The following GEM variants were observed in gnomAD, a reference collection of about 807,000 sequenced individuals.
GEM encodes the protein GTP-binding protein GEM.
A neutral mutation model predicts 33.0 loss-of-function variants in GEM; 31 were observed. The observed-to-expected ratio is 0.94, with a 90% CI of 0.71 to 1.27. GEM has a LOEUF of 1.27. GEM is among the 50% of genes most tolerant of loss of function. GEM has a pLI of 0.00. For synonymous variants in GEM, 141 were observed against 143.7 expected (o/e 0.98, Z 0.13); for missense variants, 354 against 390.5 (o/e 0.91, Z 0.79).
chr8:94,250,399 G>C lies in GEM; in HGVS notation c.802C>G (p.Arg268Gly). The change falls in exon 5 of 5, where the codon CGC becomes GGC. Residue 268 changes from arginine (R) to glycine (G), a missense_variant. Arg to Gly is a moderately radical substitution (Grantham distance 125, BLOSUM62 -2). Transcript: ENST00000297596. ...TTGGCCACGATCTTGCCCCAGAAGC[G>C]CCTGGCTTTCCTGGGCATGCTCTCC... ...RKESMPRKAR[R>G]FWGKIVAKNN... 1 of 1,614,012 alleles carries C rather than the reference G, an allele frequency of 6.2e-7. No homozygotes were observed. Among genetic ancestry groups the C allele is most frequent in the Non-Finnish European group, 8.5e-7 (1 of 1,179,878 alleles).
chr8:94,256,156 A>G (rs960005351), intron 2 of GEM, among the ~76,000 whole-genome samples: 2 of 151,398 alleles, frequency 1.3e-5, no homozygotes, highest in Non-Finnish European at 2.9e-5. Flanking sequence ...TTCAGCAAGA[A>G]TCCCCCTAAC....
rs772351189 is a variant in GEM at position 94,249,328 on chromosome 8, T to C, written c.*982A>G. 1.3e-5 allele frequency: 2 copies of C among 152,094 alleles called. No homozygotes were observed. The highest frequency in any genetic ancestry group is 2.9e-5 in the Non-Finnish European group (2 of 68,010). 9.4% of individuals were successfully genotyped at this position (152,094 alleles called of 1,614,324 possible). A position where few individuals can be genotyped will look rare whatever the true frequency, so the allele number is the denominator to read the frequency against. On this transcript the variant is annotated 3_prime_UTR_variant, in exon 5 of 5. Transcript: ENST00000297596. The stretch of plus-strand genomic sequence containing the variant: ...TGCATATTTTGAAAAAGATAGAAAA[T>C]GGTAATAAAATGGATATTTTTCTTA...
At chr8:94,255,698 T>C (rs1808876636) in intron 2 of GEM, among the ~76,000 whole-genome samples, 1 of 152,170 alleles carries the variant, frequency 6.6e-6, no homozygotes, top group Non-Finnish European at 1.5e-5. Context: ...GAAATCTGCT[T>C]CCAGTAAAGG....
At position 94,250,194 on chromosome 8, in the gene GEM, C is replaced by T. The variant is rs1253088501; in HGVS notation, c.*116G>A. 1 of 825,406 alleles carries T rather than the reference C, an allele frequency of 1.2e-6. No homozygotes were observed. The highest frequency in any genetic ancestry group is 1.9e-6 in the Non-Finnish European group (1 of 519,796). The allele number at this position is 825,406 out of a possible 1,614,324, so 51.1% of individuals were successfully genotyped here. ...TGCCCACAAGGCTAATACGCTAGCT[C>T]CCTGCTACAATGGGGGAAACCACAT... On this transcript the variant is annotated 3_prime_UTR_variant, in exon 5 of 5. Coordinates refer to ENST00000297596, the MANE Select transcript of GEM (RefSeq NM_005261.4).
chr8:94,253,214 T>C (rs1808816155), intron 2 of GEM, 102 bp from the exon 3 acceptor site: 2 of 698,718 alleles, frequency 2.9e-6, no homozygotes, highest in Non-Finnish European at 5.2e-6. Context: ...ACTTACTAAA[T>C]ATGCAATTAA....
intron 2 of GEM, among the ~76,000 whole-genome samples, chr8:94,257,517 T>C (rs1388416892): frequency 1.3e-5 from 2 of 152,134 alleles, no homozygotes; most frequent in Non-Finnish European, 2.9e-5. Context: ...TCAGAGGTAA[T>C]CTTTTCGCCT....
chr8:94,259,091 A>G (rs909891755), intron 2 of GEM, among the ~76,000 whole-genome samples: 5 of 152,182 alleles, frequency 3.3e-5, no homozygotes, highest in Admixed American at 2.0e-4. Flanking sequence ...TCCAGGAGTG[A>G]GGAGAGAAAT....
chr8:94,261,152 G>A (rs1016424954), intron 1 of GEM, among the ~76,000 whole-genome samples: 1 of 152,032 alleles, frequency 6.6e-6, no homozygotes, highest in Admixed American at 6.6e-5. Flanking sequence ...TTGGGGGTAG[G>A]GGGGAAATTT....
chr8:94,260,251 C>A lies in GEM; in HGVS notation c.253G>T (p.Gly85Trp), dbSNP rs139494082. ...TTGGCCAGAGTGGACTTGCCCACCCCCTGCTCCCCTATGAGCACCACTCGG... is the reference window on the plus strand; with the variant it reads ...TTGGCCAGAGTGGACTTGCCCACCCACTGCTCCCCTATGAGCACCACTCGG... ...YYRVVLIGEQ[G>W]VGKSTLANIF... The change falls in exon 2 of 5, where the codon GGG becomes TGG. Residue 85 changes from glycine (G) to tryptophan (W), a missense_variant. Coordinates refer to ENST00000297596, the MANE Select transcript of GEM (RefSeq NM_005261.4). 1 of 1,613,690 alleles carries A rather than the reference C, an allele frequency of 6.2e-7. No individual in the cohort carries two copies. The highest frequency in any genetic ancestry group is 2.2e-5 in the East Asian group (1 of 44,868).
chr8:94,253,186 A>T (rs1022404836), intron 2 of GEM, 74 bp from the exon 3 acceptor site: 5 of 804,450 alleles, frequency 6.2e-6, no homozygotes, highest in Non-Finnish European at 1.1e-5. Flanking sequence ...TCAGGTAGAA[A>T]ATTGTGCTAG....
rs1219065243 is a variant in GEM at position 94,249,424 on chromosome 8, G to A, written c.*886C>T. 1 of 152,126 alleles carries A rather than the reference G, an allele frequency of 6.6e-6. No homozygotes were observed. The highest frequency in any genetic ancestry group is 2.4e-5 in the African/African-American group (1 of 41,444). The allele number at this position is 152,126 out of a possible 1,614,324, so 9.4% of individuals were successfully genotyped here. A position where few individuals can be genotyped will look rare whatever the true frequency, so the allele number is the denominator to read the frequency against. Reference sequence around the variant, plus strand: ...TTATTTTGCAAAATAATAATAAATAGAGCAGAGCTGTGACATACAAGGGTC... The same window carrying A: ...TTATTTTGCAAAATAATAATAAATAAAGCAGAGCTGTGACATACAAGGGTC... On this transcript the variant is annotated 3_prime_UTR_variant, in exon 5 of 5. Transcript: ENST00000297596.
intron 2 of GEM, 36 bp from the exon 3 acceptor site, chr8:94,253,148 G>T (rs200944751): frequency 3.6e-6 from 4 of 1,115,332 alleles, no homozygotes; most frequent in African/African-American, 3.1e-5. Flanking sequence ...GGAGTCAGGC[G>T]AATATGCAAC....
At position 94,260,428 on chromosome 8, in the gene GEM, C is replaced by G; in HGVS notation, c.76G>C (p.Ala26Pro). The change falls in exon 2 of 5, where the codon GCT becomes CCT. Residue 26 changes from alanine (A) to proline (P), a missense_variant. Coordinates refer to ENST00000297596, the MANE Select transcript of GEM (RefSeq NM_005261.4). The part of the protein sequence containing the change: ...QPQQQRWSIP[A>P]DGRHLMVQKE... ...TGGACCATCAGATGCCTGCCATCAG[C>G]TGGGATGCTCCAGCGCTGCTGCTGT... 6.2e-7 allele frequency: 1 copy of G among 1,613,900 alleles called. No homozygotes were observed. Among genetic ancestry groups the G allele is most frequent in the South Asian group, 1.1e-5 (1 of 91,070 alleles).
intron 2 of GEM, among the ~76,000 whole-genome samples, chr8:94,256,520 C>G (rs1032721255): frequency 1.3e-5 from 2 of 152,224 alleles, no homozygotes; most frequent in Non-Finnish European, 2.9e-5. Flanking sequence ...TGTTCTCTCA[C>G]TGCCAGAACT....
At chr8:94,257,239 G>GGTGA (rs1808909457) in intron 2 of GEM, among the ~76,000 whole-genome samples, 1 of 151,884 alleles carries the variant, frequency 6.6e-6, no homozygotes, top group Admixed American at 6.6e-5. Flanking sequence ...GGAGTGCAAT[G>GGTGA]GTGAGATCTC....
At chr8:94,252,279 C>T (rs866009803) in intron 3 of GEM, 56 bp from the exon 4 acceptor site, 1 of 1,202,550 alleles carries the variant, frequency 8.3e-7, no homozygotes, top group Non-Finnish European at 1.2e-6. Context: ...AATAAAGCAT[C>T]AGTTTGCAAA....
intron 4 of GEM, 120 bp from the exon 5 acceptor site, chr8:94,250,707 T>C (rs1245903223): frequency 2.7e-6 from 2 of 752,994 alleles, no homozygotes; most frequent in Non-Finnish European, 4.1e-6. Flanking sequence ...GGATAGAGGA[T>C]GCTGCTGCGG....
Position 94,260,157 on chromosome 8 carries a change from G to A in GEM, c.331+16C>T. 4 of 1,542,032 alleles carry A rather than the reference G, an allele frequency of 2.6e-6. No individual in the cohort carries two copies. The highest frequency in any genetic ancestry group is 3.6e-6 in the Non-Finnish European group (4 of 1,120,104). The stretch of plus-strand genomic sequence containing the variant: ...ACCCCTGGTGGAAAGAAGCCCACTG[G>A]GGCTGGGACACCTACCTCCCAGCAC... On this transcript the variant is annotated intron_variant, in intron 2 of 4. Coordinates refer to ENST00000297596, the MANE Select transcript of GEM (RefSeq NM_005261.4).
intron 2 of GEM, among the ~76,000 whole-genome samples, chr8:94,257,689 C>T (rs772419932): frequency 1.3e-5 from 2 of 152,174 alleles, no homozygotes; most frequent in African/African-American, 2.4e-5. Flanking sequence ...CCTCACCAAG[C>T]TCTGTGCTAT....
Sources: allele counts gnomAD v4.1 joint callset (sites outside exome capture counted in the v4.1 genomes callset), GRCh38; gene constraint gnomAD v4.1.1; transcripts MANE v1.5; gene names NCBI Gene and HGNC (gene_info 2026-07-23, HGNC 2026-07-21).